CPAMD8: variants seen among roughly 807,000 people sequenced by gnomAD.
The protein encoded by CPAMD8 is C3 and PZP like alpha-2-macroglobulin domain containing 8.
A neutral mutation model predicts 224.7 loss-of-function variants in CPAMD8; 146 were observed. The observed-to-expected ratio is 0.65, with a 90% CI of 0.57 to 0.75. The LOEUF is 0.75. Ranked by LOEUF, CPAMD8 falls within the 30% of genes least tolerant of loss-of-function variation. The probability of loss-of-function intolerance (pLI) is 0.00; values close to 1 mark genes in which losing one functional copy is unlikely to be tolerated. For synonymous variants in CPAMD8, 966 were observed against 1,044.6 expected (o/e 0.92, Z 1.45); for missense variants, 2,301 against 2,537.5 (o/e 0.91, Z 2.00).
intron 3 of CPAMD8, among the ~76,000 whole-genome samples, chr19:17,019,014 T>C (rs1568610151): frequency 6.6e-6 from 1 of 151,786 alleles, no homozygotes; most frequent in Non-Finnish European, 1.5e-5. Context: ...CTGCTTACAA[T>C]GAAATGGAAA....
At chr19:16,974,519 C>T (rs925106406) in intron 17 of CPAMD8, among the ~76,000 whole-genome samples, 3 of 151,830 alleles carry the variant, frequency 2.0e-5, no homozygotes, top group South Asian at 2.1e-4. Context: ...AGGTTTTCCT[C>T]GCAGCAAAGC....
In CPAMD8 at chr19:17,003,937, C is replaced by T. The variant is rs532434163; in HGVS notation, c.673+336G>A. 2.1e-4 allele frequency among the ~76,000 whole-genome samples: 32 copies of T among 151,180 alleles called. 1 individual carries two copies. In the South Asian group the frequency reaches 4.8e-3, roughly 23 times the overall value. On this transcript the variant is annotated intron_variant, in intron 8 of 41. Coordinates refer to ENST00000443236, the MANE Select transcript of CPAMD8 (RefSeq NM_015692.5). ...TCTTTTTTTTTTTGAGACAGAGTCT[C>T]GCCCTGTCGCCCAGGCTGGAGCGCA...
chr19:16,984,330 AAGAGAG>A (rs770216662), intron 13 of CPAMD8, among the ~76,000 whole-genome samples: 143 of 132,560 alleles, frequency 1.1e-3, no homozygotes, highest in African/African-American at 1.8e-3. Flanking sequence ...AAAAAAAAAA[AAGAGAG>A]AGAGAGAGAG....
In CPAMD8 at chr19:16,901,120, T is replaced by C. The variant is rs1403624879; in HGVS notation, c.4773+90A>G. 3.8e-6 allele frequency: 3 copies of C among 787,008 alleles called. No homozygotes were observed. The East Asian group carries it at 8.2e-5, about 21-fold the overall frequency. 48.8% of individuals were successfully genotyped at this position (787,008 alleles called of 1,614,324 possible). ...ATACCCATAGCATTTTACAAAGGTCTGGACTGCCAGCCAGCCTGACCCTGG... is the reference window on the plus strand; with the variant it reads ...ATACCCATAGCATTTTACAAAGGTCCGGACTGCCAGCCAGCCTGACCCTGG... On this transcript the variant is annotated intron_variant, in intron 36 of 41. Coordinates refer to ENST00000443236, the MANE Select transcript of CPAMD8 (RefSeq NM_015692.5).
chr19:16,975,939 G>C lies in CPAMD8; in HGVS notation c.1908+63C>G, dbSNP rs563018409. The C allele has an allele frequency of 1.8e-5, 25 of 1,403,894 alleles. No individual in the cohort carries two copies. The Admixed American group carries it at 6.4e-4, about 36-fold the overall frequency. The allele number at this position is 1,403,894 out of a possible 1,614,324, so 87.0% of individuals were successfully genotyped here. ...TTTATTGGAATGAGAGATGGGAAAGGGAGAGCAAGAGAAGGTAAAGCCCCG... is the reference window on the plus strand; with the variant it reads ...TTTATTGGAATGAGAGATGGGAAAGCGAGAGCAAGAGAAGGTAAAGCCCCG... On this transcript the variant is annotated intron_variant, in intron 16 of 41. Coordinates refer to ENST00000443236, the MANE Select transcript of CPAMD8 (RefSeq NM_015692.5).
chr19:16,908,561 A>G (rs1374285579), intron 29 of CPAMD8, among the ~76,000 whole-genome samples: 1 of 152,178 alleles, frequency 6.6e-6, no homozygotes, highest in East Asian at 1.9e-4. Flanking sequence ...AAGCTGCCCA[A>G]TAATATTATG....
intron 12 of CPAMD8, among the ~76,000 whole-genome samples, chr19:16,990,490 CA>C (rs2055900955): frequency 6.6e-6 from 1 of 151,946 alleles, no homozygotes; most frequent in Non-Finnish European, 1.5e-5. Context: ...TCCAGGAGTT[CA>C]AAGCTGCAAT....
intron 17 of CPAMD8, among the ~76,000 whole-genome samples, chr19:16,974,012 T>C (rs923123764): frequency 2.6e-5 from 4 of 151,456 alleles, no homozygotes; most frequent in African/African-American, 9.7e-5. Context: ...GTGTTTTTAG[T>C]AGAGAGGGGG....
In CPAMD8 at chr19:16,995,719, A is replaced by T. The variant is rs143417753; in HGVS notation, c.1095+1392T>A. Among the ~76,000 whole-genome samples the T allele has an allele frequency of 9.2e-3, 1,396 of 152,274 alleles. 7 individuals carry two copies. The highest frequency in any genetic ancestry group is 0.015 in the Non-Finnish European group (1,016 of 68,022). On this transcript the variant is annotated intron_variant, in intron 11 of 41. Coordinates refer to ENST00000443236, the MANE Select transcript of CPAMD8 (RefSeq NM_015692.5). ...CCCAGCCTACCCCAGTTTAACAGTT[A>T]AAATAAGAATAATGACTGGGTGTAG...
intron 27 of CPAMD8, among the ~76,000 whole-genome samples, chr19:16,917,241 C>T (rs1313645296): frequency 1.3e-5 from 2 of 151,342 alleles, no homozygotes; most frequent in African/African-American, 4.9e-5. Context: ...AACAAACACA[C>T]AAATAAATAA....
At chr19:16,928,330 C>A in intron 24 of CPAMD8, 96 bp from the exon 25 acceptor site, 1 of 935,220 alleles carries the variant, frequency 1.1e-6, no homozygotes, top group Admixed American at 2.1e-5. Flanking sequence ...GGGTCAGAGG[C>A]CTCAGCCATG....
chr19:16,986,026 AGG>A (rs1417075713), intron 13 of CPAMD8, among the ~76,000 whole-genome samples: 1 of 152,034 alleles, frequency 6.6e-6, no homozygotes, highest in Non-Finnish European at 1.5e-5. Flanking sequence ...TGGGGGGAAA[AGG>A]AGAGCACAAA....
At position 16,904,257 on chromosome 19, in the gene CPAMD8, C is replaced by T. The variant is rs565062781; in HGVS notation, c.4220G>A (p.Arg1407Gln). The T allele has an allele frequency of 3.9e-5, 57 of 1,469,098 alleles. No homozygotes were observed. Among genetic ancestry groups the T allele is most frequent in the East Asian group, 1.2e-4 (4 of 32,124 alleles). 91.0% of individuals were successfully genotyped at this position (1,469,098 alleles called of 1,614,324 possible). Residue 1407 changes from arginine to glutamine, a missense_variant, in exon 32 of 42, where the codon CGA (arginine) becomes CAA (glutamine). Arg to Gln is a conservative substitution (Grantham distance 43, BLOSUM62 1). Coordinates refer to ENST00000443236, the MANE Select transcript of CPAMD8 (RefSeq NM_015692.5). ...GGAGGAGAAGCCCCCAAGTGCATTT[C>T]GCTGCTGGGACAGCCACTTCACCAC... ...LPVVKWLSQQRNALGGFSSTQ... is the reference protein window; with the variant it reads ...LPVVKWLSQQQNALGGFSSTQ...
In CPAMD8 at chr19:16,984,064, T is replaced by C. The variant is rs1228264288; in HGVS notation, c.1396-3378A>G. On this transcript the variant is annotated intron_variant, in intron 13 of 41. Transcript: ENST00000443236. ...ATGAATCCAGACAGCTAAGGGCAAC[T>C]GATTTGAAATAAGGGTGCCAAGACC... Among the ~76,000 whole-genome samples, 6 of 152,234 alleles carry C rather than the reference T, an allele frequency of 3.9e-5. No individual in the cohort carries two copies. In the East Asian group the frequency reaches 9.6e-4, roughly 24 times the overall value.
At chr19:16,948,787 G>A (rs931185046) in intron 20 of CPAMD8, among the ~76,000 whole-genome samples, 2 of 145,002 alleles carry the variant, frequency 1.4e-5, no homozygotes, top group South Asian at 4.6e-4. Flanking sequence ...GGAAAGGAGG[G>A]GAAGGGAGGG....
intron 22 of CPAMD8, among the ~76,000 whole-genome samples, chr19:16,943,438 C>G (rs1444866701): frequency 6.6e-6 from 1 of 152,008 alleles, no homozygotes; most frequent in Non-Finnish European, 1.5e-5. Flanking sequence ...GGGTCTGGCT[C>G]TGTTTTCCAG....
At chr19:17,004,251 A>T in intron 8 of CPAMD8, 22 bp downstream of exon 8, 2 of 1,499,258 alleles carry the variant, frequency 1.3e-6, no homozygotes, top group Non-Finnish European at 1.9e-6. Context: ...AAATCCCAAG[A>T]CCCTGAGATT....
At chr19:16,893,450 A>C (rs1599633302) in intron 41 of CPAMD8, 111 bp from the exon 42 acceptor site, 1 of 716,950 alleles carries the variant, frequency 1.4e-6, no homozygotes, top group Non-Finnish European at 2.2e-6. Context: ...GGGGTGGGGA[A>C]CCCACCGGCC....
In CPAMD8 at chr19:16,914,476, G is replaced by C; in HGVS notation, c.3809C>G (p.Pro1270Arg). The C allele has an allele frequency of 6.2e-7, 1 of 1,614,160 alleles. No homozygotes were observed. Among genetic ancestry groups the C allele is most frequent in the Non-Finnish European group, 8.5e-7 (1 of 1,180,016 alleles). Residue 1270 changes from proline to arginine, a missense_variant, in exon 29 of 42, where the codon CCG (proline) becomes CGG (arginine). Around this residue, in one of 4 missense-constraint regions of CPAMD8, gnomAD observed 1,709 missense variants for 1,753.2 expected, o/e 0.97. Coordinates refer to ENST00000443236, the MANE Select transcript of CPAMD8 (RefSeq NM_015692.5). ...DIQGGIHGTV[P>R]LTAYVVVALL... is the part of the protein sequence containing the mutation. The stretch of plus-strand genomic sequence containing the variant: ...AGCAACCACCACGTAGGCTGTCAGC[G>C]GGACAGTGCCGTGGATCCCACCCTG...
Sources: allele counts gnomAD v4.1 joint callset (sites outside exome capture counted in the v4.1 genomes callset), GRCh38; gene constraint gnomAD v4.1.1; regional missense constraint gnomAD v4.1.1; transcripts MANE v1.5; gene names NCBI Gene and HGNC (gene_info 2026-07-23, HGNC 2026-07-21).